The following RPS6KA2 variants were observed in gnomAD, a reference collection of about 807,000 sequenced individuals.
RPS6KA2 encodes ribosomal protein S6 kinase A2.
RPS6KA2 carries 42 observed loss-of-function variants against 91.8 expected under a neutral mutation model. That is an observed-to-expected ratio of 0.46 (90% CI 0.36 to 0.59). The LOEUF (loss-of-function observed/expected upper bound fraction) is 0.59. Ranked by LOEUF, RPS6KA2 falls within the 20% of genes least tolerant of loss-of-function variation. The pLI is 0.00. For missense variants in RPS6KA2, 798 were observed against 978.5 expected (o/e 0.82, Z 2.46); for synonymous variants, 414 against 393.6 (o/e 1.05, Z -0.61).
intron 2 of RPS6KA2, among the ~76,000 whole-genome samples, chr6:166,796,320 A>G (rs10946190): frequency 0.32 from 48,473 of 152,014 alleles, 8,058 homozygotes; most frequent in African/African-American, 0.37. Flanking sequence ...GCTGGGTGCG[A>G]TGGCTCACAC....
intron 10 of RPS6KA2, chr6:166,475,686 T>C: frequency 2.1e-6 from 1 of 482,328 alleles, no homozygotes; most frequent in Non-Finnish European, 4.3e-6. Flanking sequence ...ACTGAACAGA[T>C]CACACACGAA....
chr6:166,745,130 G>A (rs1790952182), intron 2 of RPS6KA2, among the ~76,000 whole-genome samples: 1 of 149,844 alleles, frequency 6.7e-6, no homozygotes, highest in Non-Finnish European at 1.5e-5. Flanking sequence ...CTCTGTGTGT[G>A]TCTGTGTCCT....
Position 166,757,550 on chromosome 6 carries a change from G to A in RPS6KA2, c.123+100650C>T, listed in dbSNP as rs966462400. 6.6e-6 allele frequency: 3 copies of A among 456,174 alleles called. No individual in the cohort carries two copies. In the Admixed American group the frequency reaches 7.0e-5, roughly 11 times the overall value. 28.3% of individuals were successfully genotyped at this position (456,174 alleles called of 1,614,324 possible). Reference sequence around the variant, plus strand: ...ACCTTTCTGAGGAACAGTCTCTGCAGCTTCTTGTGTGGCAGCCTGATCATC... The same window carrying A: ...ACCTTTCTGAGGAACAGTCTCTGCAACTTCTTGTGTGGCAGCCTGATCATC... On this transcript the variant is annotated intron_variant, in intron 2 of 21. Coordinates refer to the RPS6KA2 transcript ENST00000503859.
At chr6:166,541,331 G>A (rs1008929689) in intron 1 of RPS6KA2, among the ~76,000 whole-genome samples, 2 of 152,238 alleles carry the variant, frequency 1.3e-5, no homozygotes, top group Non-Finnish European at 2.9e-5. Context: ...CCTGGGGCAC[G>A]TTTCCCAGCC....
intron 2 of RPS6KA2, among the ~76,000 whole-genome samples, chr6:166,787,169 CCAAAGA>C (rs2128612595): frequency 6.6e-6 from 1 of 152,104 alleles, no homozygotes; most frequent in African/African-American, 2.4e-5. Flanking sequence ...AGGAGTTTAT[CCAAAGA>C]TAAAGACTGA....
intron 1 of RPS6KA2, among the ~76,000 whole-genome samples, chr6:166,615,951 CTCAT>C (rs1426740963): frequency 1.3e-5 from 2 of 152,204 alleles, no homozygotes; most frequent in Non-Finnish European, 2.9e-5. Context: ...TGCAGTCATT[CTCAT>C]TCAATGGAAT....
intron 14 of RPS6KA2, among the ~76,000 whole-genome samples, chr6:166,447,483 GA>G (rs1327957775): frequency 6.6e-6 from 1 of 152,188 alleles, no homozygotes; most frequent in African/African-American, 2.4e-5. Context: ...AGGGACCTGA[GA>G]TTTTTTTTCG....
At chr6:166,614,991 A>G (rs1306994191) in intron 1 of RPS6KA2, among the ~76,000 whole-genome samples, 3 of 152,132 alleles carry the variant, frequency 2.0e-5, no homozygotes, top group Admixed American at 2.0e-4. Context: ...TCGAGGAGAC[A>G]TTATCCAGCC....
At chr6:166,559,506 G>A (rs1784277446) in intron 1 of RPS6KA2, among the ~76,000 whole-genome samples, 1 of 152,166 alleles carries the variant, frequency 6.6e-6, no homozygotes, top group East Asian at 1.9e-4. Context: ...TCTTATTAAG[G>A]ATTAGTTAAT....
Position 166,563,367 on chromosome 6 carries a change from C to T in RPS6KA2, c.100-24583G>A, listed in dbSNP as rs2128506450. On this transcript the variant is annotated intron_variant, in intron 1 of 20. Coordinates refer to ENST00000265678, the MANE Select transcript of RPS6KA2 (RefSeq NM_021135.6). The surrounding 1 kb of genome is among the most constrained non-coding windows in gnomAD (Gnocchi z 4.1). ...TTTTCCGCAGCTCACCTGTTCCCGG[C>T]TTTTCCTCCCAGTCTCCTGGGCTCG... 6.6e-6 allele frequency among the ~76,000 whole-genome samples: 1 copy of T among 152,332 alleles called. No homozygotes were observed. The highest frequency in any genetic ancestry group is 2.1e-4 in the South Asian group (1 of 4,832).
rs573835866 is a variant in RPS6KA2, at chr6:166,507,626, C to A, written c.459+577G>T. Among the ~76,000 whole-genome samples, 14 of 151,460 alleles carry A rather than the reference C, an allele frequency of 9.2e-5. No individual in the cohort carries two copies. The South Asian group carries it at 2.9e-3, about 32-fold the overall frequency. The stretch of plus-strand genomic sequence containing the variant: ...CATGCACAAAGCACACCACACACCC[C>A]ACACATAGCACACACCACGCACACC... On this transcript the variant is annotated intron_variant, in intron 5 of 20. Transcript: ENST00000265678.
At chr6:166,730,517 T>C (rs558114584) in intron 2 of RPS6KA2, among the ~76,000 whole-genome samples, 2 of 152,344 alleles carry the variant, frequency 1.3e-5, no homozygotes, top group East Asian at 3.9e-4. Context: ...ATAATTCTGG[T>C]TGTTACCTTA....
rs9347126 is a variant in RPS6KA2, at chr6:166,440,983, T to G, written c.1332+7741A>C. On this transcript the variant is annotated intron_variant, in intron 14 of 20. Transcript: ENST00000265678. The stretch of plus-strand genomic sequence containing the variant: ...AATTCCACTGAGGAGCTTCTTTGAT[T>G]AGAGAATGCCTGTGCAGAGACACAG... Among the ~76,000 whole-genome samples, 372 of 152,270 alleles carry G rather than the reference T, an allele frequency of 2.4e-3. 3 individuals carry two copies. Among genetic ancestry groups the G allele is most frequent in the Non-Finnish European group, 3.8e-3 (261 of 68,030 alleles).
At chr6:166,801,620 T>C (rs1265780077) in intron 2 of RPS6KA2, among the ~76,000 whole-genome samples, 2 of 152,200 alleles carry the variant, frequency 1.3e-5, no homozygotes, top group Non-Finnish European at 2.9e-5. Flanking sequence ...GTGCAGGGAT[T>C]ACAGGCATAA....
At chr6:166,828,609 G>A (rs984654452) in intron 2 of RPS6KA2, among the ~76,000 whole-genome samples, 4 of 152,192 alleles carry the variant, frequency 2.6e-5, no homozygotes, top group Non-Finnish European at 4.4e-5. Flanking sequence ...ATTGTCTTGT[G>A]AAAACTGGAT....
At chr6:166,815,884 A>G (rs1293308911) in intron 2 of RPS6KA2, among the ~76,000 whole-genome samples, 1 of 152,214 alleles carries the variant, frequency 6.6e-6, no homozygotes, top group Non-Finnish European at 1.5e-5. Flanking sequence ...AATTCATTCT[A>G]CAAAAATAAA....
rs1454955289 is a variant in RPS6KA2, at chr6:166,508,715, C to T, written c.380-433G>A. ...ATGGAAGTGCCTTCTTCTTACAGAACTCCACTCTGGTACCAGGGAGCCCCC... is the reference window on the plus strand; with the variant it reads ...ATGGAAGTGCCTTCTTCTTACAGAATTCCACTCTGGTACCAGGGAGCCCCC... On this transcript the variant is annotated intron_variant, in intron 4 of 20. Transcript: ENST00000265678. This position sits in a 1 kb window ranked among gnomAD's most constrained non-coding sequence, Gnocchi z 4.3. Among the ~76,000 whole-genome samples the T allele has an allele frequency of 1.3e-5, 2 of 152,200 alleles. No homozygotes were observed. The highest frequency in any genetic ancestry group is 4.8e-5 in the African/African-American group (2 of 41,436).
At chr6:166,558,040 GTGTA>G (rs1206493319) in intron 1 of RPS6KA2, among the ~76,000 whole-genome samples, 1 of 151,964 alleles carries the variant, frequency 6.6e-6, no homozygotes, top group African/African-American at 2.4e-5. Flanking sequence ...ATATATAGGT[GTGTA>G]TGTATGTGTC....
intron 10 of RPS6KA2, among the ~76,000 whole-genome samples, chr6:166,486,551 G>C (rs550025314): frequency 6.6e-6 from 1 of 152,212 alleles, no homozygotes; most frequent in African/African-American, 2.4e-5. Context: ...TGGGGACAGC[G>C]CTATAAAATG....
Sources: allele counts gnomAD v4.1 joint callset (sites outside exome capture counted in the v4.1 genomes callset), GRCh38; gene constraint gnomAD v4.1.1; non-coding constraint Gnocchi (gnomAD v3.1); transcripts MANE v1.5; gene names NCBI Gene and HGNC (gene_info 2026-07-23, HGNC 2026-07-21).